EYS: variants seen among roughly 807,000 people sequenced by gnomAD.
EYS encodes the protein protein eyes shut homolog.
Under a neutral mutation model 282.1 loss-of-function variants are expected in EYS, and 250 were observed. The observed-to-expected ratio is 0.89, with a 90% CI of 0.80 to 0.98. The LOEUF (loss-of-function observed/expected upper bound fraction) is 0.98, where lower values mean the gene tolerates loss of function less well. EYS is among the 50% of genes least tolerant of loss of function. The pLI is 0.00. For missense variants in EYS, 4,016 were observed against 3,709.0 expected, an observed-to-expected ratio of 1.08 and a Z score of -2.15; for synonymous variants, 1,355 against 1,282.9, an observed-to-expected ratio of 1.06 and a Z score of -1.20.
intron 11 of EYS, among the ~76,000 whole-genome samples, chr6:65,322,947 T>A (rs1024536667): frequency 2.0e-5 from 3 of 151,820 alleles, no homozygotes; most frequent in Non-Finnish European, 4.4e-5. Context: ...ATTAAATAAC[T>A]ACTTGATGTG....
Position 64,593,565 on chromosome 6 carries a change from C to T in EYS, c.3685-256G>A, listed in dbSNP as rs145850970. 2.4e-3 allele frequency among the ~76,000 whole-genome samples: 364 copies of T among 152,142 alleles called. 1 individual carries two copies. The highest frequency in any genetic ancestry group is 8.1e-3 in the African/African-American group (336 of 41,534). ...ATTCCTTTAATTTTAAGTCAAAATA[C>T]TATTTTTACTTTTGAGAATATAGTT... On this transcript the variant is annotated intron_variant, in intron 24 of 42. Coordinates refer to ENST00000503581, the MANE Select transcript of EYS (RefSeq NM_001142800.2).
At chr6:65,224,300 T>G (rs1347865087) in intron 12 of EYS, among the ~76,000 whole-genome samples, 2 of 152,100 alleles carry the variant, frequency 1.3e-5, no homozygotes, top group African/African-American at 4.8e-5. Flanking sequence ...AATGACACAC[T>G]CTTAACCAAT....
At position 63,871,009 on chromosome 6, in the gene EYS, C is replaced by A. The variant is rs543247506; in HGVS notation, c.7056-6651G>T. Among the ~76,000 whole-genome samples the A allele has an allele frequency of 3.9e-5, 6 of 152,288 alleles. 1 individual carries two copies. In the South Asian group the frequency reaches 1.2e-3, roughly 32 times the overall value. ...AGAGGAAGTGACTTCACTTCCTACT[C>A]TATAGATAAAATTTTAGCCTTCAGC... is the stretch of plus-strand genomic sequence containing the variant. On this transcript the variant is annotated intron_variant, in intron 35 of 42. Transcript: ENST00000503581.
At chr6:65,554,089 G>T (rs1176327257) in intron 2 of EYS, among the ~76,000 whole-genome samples, 4 of 152,198 alleles carry the variant, frequency 2.6e-5, no homozygotes, top group Non-Finnish European at 4.4e-5. Context: ...GATATGAGAA[G>T]ACGGCAATTG....
At chr6:64,707,481 AAC>A (rs1291854717) in intron 22 of EYS, among the ~76,000 whole-genome samples, 1 of 152,004 alleles carries the variant, frequency 6.6e-6, no homozygotes, top group East Asian at 1.9e-4. Flanking sequence ...CATCCTGGCT[AAC>A]ACAGTGAAAC....
At chr6:64,949,171 C>T (rs1376188556) in intron 14 of EYS, among the ~76,000 whole-genome samples, 1 of 151,832 alleles carries the variant, frequency 6.6e-6, no homozygotes, top group Non-Finnish European at 1.5e-5. Flanking sequence ...AAGATTACTA[C>T]AAGTTTCGTG....
At chr6:65,611,287 T>C in intron 2 of EYS, among the ~76,000 whole-genome samples, 1 of 151,968 alleles carries the variant, frequency 6.6e-6, no homozygotes, top group Non-Finnish European at 1.5e-5. Context: ...TAAGTTCATT[T>C]TCTGTATAAT....
chr6:64,826,840 AT>A (rs1223100992), intron 19 of EYS, among the ~76,000 whole-genome samples: 1 of 151,162 alleles, frequency 6.6e-6, no homozygotes, highest in Non-Finnish European at 1.5e-5. Context: ...CTGATTCTTA[AT>A]TTTTTTCATT....
rs552936825 is a variant in EYS at position 65,329,706 on chromosome 6, C to T, written c.1766+5274G>A. The T allele has an allele frequency of 4.9e-3, 4,836 of 977,904 alleles. 13 individuals carry two copies. The highest frequency in any genetic ancestry group is 5.5e-3 in the Non-Finnish European group (4,547 of 823,404). 60.6% of individuals were successfully genotyped at this position (977,904 alleles called of 1,614,324 possible). A position where few individuals can be genotyped will look rare whatever the true frequency, so the allele number is the denominator to read the frequency against. On this transcript the variant is annotated intron_variant, in intron 11 of 42. Transcript: ENST00000503581. ...CTTGTTAATAAAATCACGGACATCA[C>T]GGCAGAAATTACAATAGTCTTAGAA...
At chr6:64,811,313 C>G (rs1485774121) in intron 22 of EYS, among the ~76,000 whole-genome samples, 3 of 151,832 alleles carry the variant, frequency 2.0e-5, no homozygotes, top group African/African-American at 4.8e-5. Flanking sequence ...TATTTAAATA[C>G]AGTTTGAATA....
chr6:64,893,936 C>A (rs142029741), intron 18 of EYS, among the ~76,000 whole-genome samples: 1 of 151,856 alleles, frequency 6.6e-6, no homozygotes, highest in African/African-American at 2.4e-5. Context: ...CCTATGCATG[C>A]ATTCAATTAA....
intron 22 of EYS, among the ~76,000 whole-genome samples, chr6:64,732,043 C>T (rs1771987360): frequency 6.6e-6 from 1 of 152,034 alleles, no homozygotes. Context: ...CCATCAATCT[C>T]AGCAAACTAA....
intron 35 of EYS, among the ~76,000 whole-genome samples, chr6:63,914,716 CA>C (rs35792083): frequency 0.67 from 92,483 of 137,936 alleles, 30,088 homozygotes; most frequent in Middle Eastern, 0.71. Flanking sequence ...TCAACCGTCT[CA>C]AAAAAAAAAA....
Position 65,515,689 on chromosome 6 carries a change from G to A in EYS, c.-332-19696C>T, listed in dbSNP as rs1316839528. Among the ~76,000 whole-genome samples, 3 of 150,020 alleles carry A rather than the reference G, an allele frequency of 2.0e-5. 1 individual carries two copies. The South Asian group carries it at 6.3e-4, about 32-fold the overall frequency. ...CATCATTCTCAGTAAACTATCGCAAGGACAAAAAACCAAACACCGCATATT... is the reference window on the plus strand; with the variant it reads ...CATCATTCTCAGTAAACTATCGCAAAGACAAAAAACCAAACACCGCATATT... On this transcript the variant is annotated intron_variant, in intron 2 of 42. Transcript: ENST00000503581.
chr6:65,331,401 T>A (rs1238751732), intron 11 of EYS: 1 of 784,524 alleles, frequency 1.3e-6, no homozygotes, highest in East Asian at 1.3e-4. Flanking sequence ...ACATTTTGCA[T>A]ATCTTTTGAC....
chr6:64,969,969 T>A (rs1193534245), intron 14 of EYS, among the ~76,000 whole-genome samples: 3 of 152,196 alleles, frequency 2.0e-5, no homozygotes, highest in Non-Finnish European at 2.9e-5. Context: ...TCTGTGGCTT[T>A]AATACAGTAG....
Position 64,070,197 on chromosome 6 carries a change from C to T in EYS, c.6572-3706G>A, listed in dbSNP as rs116417074. 9.1e-3 allele frequency among the ~76,000 whole-genome samples: 1,386 copies of T among 152,144 alleles called. 31 individuals carry two copies. Among genetic ancestry groups the T allele is most frequent in the African/African-American group, 0.031 (1,276 of 41,532 alleles). ...TCTAAAAGTGTATTAATGAACTTCA[C>T]GTCCTTGTTACATTAAAATGTTATT... On this transcript the variant is annotated intron_variant, in intron 32 of 42. Transcript: ENST00000503581.
intron 12 of EYS, among the ~76,000 whole-genome samples, chr6:65,251,706 T>C (rs1014620912): frequency 6.6e-6 from 1 of 151,888 alleles, no homozygotes; most frequent in African/African-American, 2.4e-5. Flanking sequence ...TACCATTTTT[T>C]CCCCTCAAAT....
chr6:64,720,865 GTGT>G (rs1771555280), intron 22 of EYS, among the ~76,000 whole-genome samples: 1 of 152,052 alleles, frequency 6.6e-6, no homozygotes, highest in African/African-American at 2.4e-5. Context: ...GCCTCTTTTG[GTGT>G]TTAATTTTCT....
Sources: gnomAD v4.1 joint callset for allele counts (sites outside exome capture counted in the v4.1 genomes callset) on GRCh38, gnomAD v4.1.1 for gene constraint, MANE v1.5 for transcripts, NCBI Gene and HGNC (gene_info 2026-07-23, HGNC 2026-07-21) for gene names.